Variants in PPP6C observed in about 807,000 individuals in gnomAD.
The protein encoded by PPP6C is protein phosphatase 6 catalytic subunit, also known as serine/threonine-protein phosphatase 6 catalytic subunit.
A neutral mutation model predicts 39.8 loss-of-function variants in PPP6C; 11 were observed. The ratio of observed to expected loss-of-function variants is 0.28; its 90% confidence interval spans 0.17 to 0.46. The LOEUF (loss-of-function observed/expected upper bound fraction) is 0.46. PPP6C is among the 20% of genes least tolerant of loss of function. The pLI, the probability that PPP6C is intolerant of heterozygous loss-of-function variation, is 1.00. For missense variants in PPP6C, 211 were observed against 373.9 expected (o/e 0.56, Z 3.59); for synonymous variants, 129 against 130.3 (o/e 0.99, Z 0.07).
At position 125,150,421 on chromosome 9, in the gene PPP6C, G is replaced by GGTGTGTGTGTGTGT. The variant is rs113973939; in HGVS notation, c.670-514_670-501dup. ...TGCTGGAGCACTTCCCAATATAAGG[G>GGTGTGTGTGTGTGT]GTGTGTGTGTGTGTGTGTGTGTGTT... On this transcript the variant is annotated intron_variant, in intron 6 of 6. Transcript: ENST00000373547. Among the ~76,000 whole-genome samples, 352 of 149,946 alleles carry GGTGTGTGTGTGTGT rather than the reference G, an allele frequency of 2.3e-3. 4 individuals are homozygous for GGTGTGTGTGTGTGT. Among genetic ancestry groups the GGTGTGTGTGTGTGT allele is most frequent in the Middle Eastern group, 0.02 (6 of 294 alleles).
At chr9:125,154,207 T>TA (rs1389736247) in intron 4 of PPP6C, among the ~76,000 whole-genome samples, 7 of 152,200 alleles carry the variant, frequency 4.6e-5, no homozygotes, top group Admixed American at 3.9e-4. Flanking sequence ...GGATACATTC[T>TA]AAAAAATGCA....
intron 3 of PPP6C, among the ~76,000 whole-genome samples, chr9:125,159,200 G>A (rs575702519): frequency 2.3e-4 from 34 of 147,232 alleles, no homozygotes; most frequent in African/African-American, 8.5e-4. Context: ...CACCAAGCCC[G>A]GCTAATTTTG....
intron 1 of PPP6C, among the ~76,000 whole-genome samples, chr9:125,179,655 CTTTT>C (rs56221170): frequency 1.5e-5 from 2 of 132,434 alleles, no homozygotes; most frequent in African/African-American, 5.6e-5. Flanking sequence ...TTCTCTCTCT[CTTTT>C]TTTTTTTTTT....
At chr9:125,169,620 A>G (rs1001681368) in intron 2 of PPP6C, among the ~76,000 whole-genome samples, 14 of 152,208 alleles carry the variant, frequency 9.2e-5, no homozygotes, top group African/African-American at 3.1e-4. Context: ...CTTCTACACT[A>G]CACTGGGGGA....
chr9:125,187,354 C>T (rs545037782), intron 1 of PPP6C, among the ~76,000 whole-genome samples: 9 of 151,646 alleles, frequency 5.9e-5, no homozygotes, highest in Non-Finnish European at 1.0e-4. Flanking sequence ...TCCCGGCTCA[C>T]TGCAAGCAAT....
chr9:125,179,655 CTTTTTTT>C (rs56221170), intron 1 of PPP6C, among the ~76,000 whole-genome samples: 2 of 132,440 alleles, frequency 1.5e-5, no homozygotes, highest in African/African-American at 5.6e-5. Context: ...TTCTCTCTCT[CTTTTTTT>C]TTTTTTTTTT....
At chr9:125,168,246 C>T (rs1032775030) in intron 2 of PPP6C, among the ~76,000 whole-genome samples, 4 of 152,174 alleles carry the variant, frequency 2.6e-5, no homozygotes, top group Non-Finnish European at 1.5e-5. Flanking sequence ...GTATCTGACA[C>T]TGAAATCTAT....
intron 4 of PPP6C, among the ~76,000 whole-genome samples, chr9:125,155,754 A>G (rs1469622509): frequency 6.6e-6 from 1 of 151,968 alleles, no homozygotes; most frequent in Non-Finnish European, 1.5e-5. Flanking sequence ...AATACAAAAA[A>G]ATTAGCCGGG....
intron 5 of PPP6C, 22 bp downstream of exon 5, chr9:125,153,884 G>C (rs373348515): frequency 6.3e-7 from 1 of 1,575,116 alleles, no homozygotes. Context: ...ACGTACATGA[G>C]ACTTTAAAAA....
At chr9:125,157,727 T>C (rs914695492) in intron 4 of PPP6C, among the ~76,000 whole-genome samples, 1 of 148,384 alleles carries the variant, frequency 6.7e-6, no homozygotes, top group African/African-American at 2.5e-5. Flanking sequence ...AGTCTCCCTA[T>C]GTCGCCAGGC....
At chr9:125,153,386 C>A (rs1043930130) in intron 6 of PPP6C, 147 bp downstream of exon 6, 1 of 727,850 alleles carries the variant, frequency 1.4e-6, no homozygotes. Flanking sequence ...GAAAGACATA[C>A]GTTAATAACT....
chr9:125,159,374 A>AT (rs1331331927), intron 3 of PPP6C, among the ~76,000 whole-genome samples: 3,607 of 137,882 alleles, frequency 0.026, 116 homozygotes, highest in African/African-American at 0.079. Context: ...TAAAAATTCA[A>AT]TTTTTTTTTT....
At chr9:125,189,036 A>C in intron 1 of PPP6C, 38 of 996,388 alleles carry the variant, frequency 3.8e-5, no homozygotes, top group Non-Finnish European at 5.7e-5. Flanking sequence ...CAACATACTC[A>C]GAAACGGGAT....
intron 4 of PPP6C, among the ~76,000 whole-genome samples, chr9:125,154,400 G>A (rs74564719): frequency 0.015 from 2,302 of 152,280 alleles, 108 homozygotes; most frequent in Admixed American, 0.083. Flanking sequence ...AAGTATTTGT[G>A]CAATAGGAAT....
chr9:125,171,262 G>A, intron 1 of PPP6C, 82 bp from the exon 2 acceptor site: 3 of 1,090,706 alleles, frequency 2.8e-6, no homozygotes, highest in Non-Finnish European at 3.9e-6. Context: ...AAAATACCAG[G>A]TCTAATACTT....
rs533300520 is a variant in PPP6C at position 125,179,747 on chromosome 9, C to G, written c.76-8567G>C. On this transcript the variant is annotated intron_variant, in intron 1 of 6. Transcript: ENST00000373547. ...ATTGGCTCACTGCAACCTCCACCTC[C>G]CAGATTCAAGCGATTCTCCTGCCTC... Among the ~76,000 whole-genome samples, 5 of 151,866 alleles carry G rather than the reference C, an allele frequency of 3.3e-5. No individual in the cohort carries two copies. In the East Asian group the frequency reaches 9.7e-4, roughly 29 times the overall value.
intron 2 of PPP6C, among the ~76,000 whole-genome samples, chr9:125,161,440 CAT>C (rs1051955564): frequency 1.3e-4 from 20 of 152,042 alleles, no homozygotes; most frequent in African/African-American, 4.6e-4. Context: ...TATATTTCAT[CAT>C]ATTTTTTGTT....
chr9:125,174,425 C>T (rs1406383897), intron 1 of PPP6C, among the ~76,000 whole-genome samples: 1 of 149,868 alleles, frequency 6.7e-6, no homozygotes, highest in Non-Finnish European at 1.5e-5. Context: ...GATTTGCCTT[C>T]ATTCCTAGGG....
In PPP6C at chr9:125,171,165, C is replaced by T. The variant is rs758410873; in HGVS notation, c.91G>A (p.Val31Ile). The stretch of plus-strand genomic sequence containing the variant: ...GACTCTTCTAAGAGGAGGTCACAAA[C>T]GTAGTCACATAGCCGCTATAAAAAG... ...ENDLKRLCDY[V>I]CDLLLEESNV... Residue 31 changes from valine to isoleucine, a missense_variant, in exon 2 of 7, where the codon GTT becomes ATT. By Grantham distance (29) the Val-to-Ile change is conservative. Around this residue, in one of 2 missense-constraint regions of PPP6C, gnomAD observed 168 missense variants for 342.6 expected, o/e 0.49. Transcript: ENST00000373547. 3.1e-6 allele frequency: 5 copies of T among 1,591,694 alleles called. No homozygotes were observed. The highest frequency in any genetic ancestry group is 1.7e-5 in the Admixed American group (1 of 58,356).
Sources: gnomAD v4.1 joint callset for allele counts (sites outside exome capture counted in the v4.1 genomes callset) on GRCh38, gnomAD v4.1.1 for gene constraint, gnomAD v4.1.1 regional missense constraint, MANE v1.5 for transcripts, NCBI Gene and HGNC (gene_info 2026-07-23, HGNC 2026-07-21) for gene names.